The following PVT1 variants were observed in gnomAD, a reference collection of about 807,000 sequenced individuals.
The protein encoded by PVT1 is CXCR4/PVT1 fusion.
At chr8:128,080,883 TG>T (rs754416249) in intron 5 of PVT1, among the ~76,000 whole-genome samples, 1 of 152,232 alleles carries the variant, frequency 6.6e-6, no homozygotes, top group African/African-American at 2.4e-5. Context: ...AGGTAATTTT[TG>T]TGAAGGGTTT....
intron 2 of PVT1, among the ~76,000 whole-genome samples, chr8:127,808,856 C>A (rs1814557133): frequency 6.6e-6 from 1 of 151,312 alleles, no homozygotes; most frequent in Non-Finnish European, 1.5e-5. Flanking sequence ...ATGGTGAAAC[C>A]CCATCTCTAC....
Position 127,802,380 on chromosome 8 carries a change from A to T in PVT1, n.372+6309A>T, listed in dbSNP as rs572975365. On this transcript the variant is annotated intron_variant and non_coding_transcript_variant, in intron 2 of 10. Coordinates refer to ENST00000651587, the Ensembl canonical transcript of PVT1. Reference sequence around the variant, plus strand: ...AGGTCTGTGTCACCACGCCCAGCTAATTTTTTTGTATTTTTGGTAAAGCTG... The same window carrying T: ...AGGTCTGTGTCACCACGCCCAGCTATTTTTTTTGTATTTTTGGTAAAGCTG... Among the ~76,000 whole-genome samples, 25 of 151,100 alleles carry T rather than the reference A, an allele frequency of 1.7e-4. No homozygotes were observed. The East Asian group carries it at 4.5e-3, about 27-fold the overall frequency.
intron 5 of PVT1, among the ~76,000 whole-genome samples, chr8:128,071,693 A>AATAAATAAATAC (rs1554609393): frequency 1.3e-5 from 2 of 149,460 alleles, no homozygotes; most frequent in Non-Finnish European, 3.0e-5. Context: ...CTCTAAAATA[A>AATAAATAAATAC]ATAAATAAAT....
At chr8:127,961,981 A>ATT (rs774663959) in intron 3 of PVT1, among the ~76,000 whole-genome samples, 1 of 149,988 alleles carries the variant, frequency 6.7e-6, no homozygotes, top group Non-Finnish European at 1.5e-5. Context: ...TGAATGTAGA[A>ATT]TTTTTTTTTT....
rs574661337 is a variant in PVT1, at chr8:127,977,757, G to A, written n.783-11405G>A. On this transcript the variant is annotated intron_variant and non_coding_transcript_variant, in intron 3 of 10. Transcript: ENST00000651587. The stretch of plus-strand genomic sequence containing the variant: ...GTCAAAAAAAAGATACCTTGTATCA[G>A]TTCTGACACTTGCATTACTAGCTGT... 3.9e-5 allele frequency among the ~76,000 whole-genome samples: 6 copies of A among 152,270 alleles called. No homozygotes were observed. The South Asian group carries it at 1.2e-3, about 32-fold the overall frequency.
intron 3 of PVT1, among the ~76,000 whole-genome samples, chr8:127,922,297 G>T (rs1816071951): frequency 7.3e-6 from 1 of 136,396 alleles, no homozygotes; most frequent in African/African-American, 2.8e-5. Context: ...CACCAAGGAG[G>T]GCTAGGACAA....
intron 2 of PVT1, among the ~76,000 whole-genome samples, chr8:127,870,653 A>G (rs954600853): frequency 2.6e-5 from 4 of 152,162 alleles, no homozygotes; most frequent in Admixed American, 6.5e-5. Context: ...CTGCATTTAG[A>G]GCTCTGGGAG....
At chr8:128,085,233 A>G (rs1814241379) in intron 5 of PVT1, among the ~76,000 whole-genome samples, 1 of 152,104 alleles carries the variant, frequency 6.6e-6, no homozygotes, top group Non-Finnish European at 1.5e-5. Flanking sequence ...GAGAGCCGCC[A>G]TCTTGGATGC....
At chr8:128,044,217 C>CT (rs1813585023) in intron 4 of PVT1, among the ~76,000 whole-genome samples, 1 of 98,794 alleles carries the variant, frequency 1.0e-5, no homozygotes, top group South Asian at 3.6e-4. Context: ...GCACCTCCAT[C>CT]TCCCCTTTTT....
intron 3 of PVT1, among the ~76,000 whole-genome samples, chr8:127,894,922 G>A (rs528904661): frequency 2.2e-4 from 34 of 152,306 alleles, no homozygotes; most frequent in Admixed American, 3.3e-4. Flanking sequence ...GTGACTGGCC[G>A]GCTTGGTCTG....
At position 127,868,016 on chromosome 8, in the gene PVT1, T is replaced by A. The variant is rs369894550; in HGVS notation, n.373-22573T>A. ...ATCCCTCTGTCCTTGTCTGCCAGTG[T>A]TTTTTTCCTTGACTTTTAAAATAAT... On this transcript the variant is annotated intron_variant and non_coding_transcript_variant, in intron 2 of 10. Coordinates refer to ENST00000651587, the Ensembl canonical transcript of PVT1. Among the ~76,000 whole-genome samples the A allele has an allele frequency of 2.0e-3, 301 of 152,344 alleles. 2 individuals carry two copies. Among genetic ancestry groups the A allele is most frequent in the African/African-American group, 7.0e-3 (291 of 41,578 alleles).
chr8:128,081,937 T>C (rs1050990390), intron 5 of PVT1, among the ~76,000 whole-genome samples: 7 of 152,288 alleles, frequency 4.6e-5, no homozygotes, highest in African/African-American at 1.7e-4. Context: ...TGGAAGATTC[T>C]TAAATCTGTA....
At chr8:128,089,920 C>T (rs565195257) in intron 5 of PVT1, among the ~76,000 whole-genome samples, 2 of 152,292 alleles carry the variant, frequency 1.3e-5, no homozygotes, top group Admixed American at 6.5e-5. Context: ...ATGCTTGGAA[C>T]GTTTTTTGTA....
chr8:127,945,139 G>A (rs1379815784), intron 3 of PVT1, among the ~76,000 whole-genome samples: 1 of 152,066 alleles, frequency 6.6e-6, no homozygotes, highest in Non-Finnish European at 1.5e-5. Context: ...GTTTTTCAAG[G>A]GCCAGTTAAC....
chr8:127,825,815 A>G (rs1464823393), intron 2 of PVT1, among the ~76,000 whole-genome samples: 2 of 152,100 alleles, frequency 1.3e-5, no homozygotes, highest in African/African-American at 2.4e-5. Flanking sequence ...AATGCTGAGC[A>G]TAAGAAAAGT....
chr8:128,008,572 C>A (rs1273772613), intron 4 of PVT1, among the ~76,000 whole-genome samples: 2 of 152,208 alleles, frequency 1.3e-5, no homozygotes, highest in Non-Finnish European at 2.9e-5. Context: ...TCTGGGCTGC[C>A]CCATCACCTG....
rs146531309 is a variant in PVT1, at chr8:127,818,043, A to G, written n.372+21972A>G. On this transcript the variant is annotated intron_variant and non_coding_transcript_variant, in intron 2 of 10. Transcript: ENST00000651587. The stretch of plus-strand genomic sequence containing the variant: ...GAGGGGCAGTAACTAGCAGAAGGGA[A>G]ACAGCCCGGGTCCAGTTTACTTCCC... 3.5e-4 allele frequency among the ~76,000 whole-genome samples: 54 copies of G among 152,226 alleles called. 1 individual carries two copies. The highest frequency in any genetic ancestry group is 1.2e-3 in the African/African-American group (50 of 41,552).
chr8:127,915,612 CAAAAAAAA>C (rs61238663), intron 3 of PVT1, among the ~76,000 whole-genome samples: 2 of 64,506 alleles, frequency 3.1e-5, no homozygotes, highest in South Asian at 1.4e-3. Flanking sequence ...AACTCCATCT[CAAAAAAAA>C]AAAAAAAAAA....
chr8:127,946,913 T>G (rs1816427641), intron 3 of PVT1: 1 of 152,452 alleles, frequency 6.6e-6, no homozygotes, highest in South Asian at 2.1e-4. Context: ...TCTTACCTTG[T>G]TTTTGAGTTC....
Sources: allele counts gnomAD v4.1 joint callset (sites outside exome capture counted in the v4.1 genomes callset), GRCh38; gene constraint gnomAD v4.1.1; transcripts MANE v1.5; gene names NCBI Gene and HGNC (gene_info 2026-07-23, HGNC 2026-07-21).